The following SLC35A3 variants were observed in gnomAD, a reference collection of about 807,000 sequenced individuals.
SLC35A3 encodes the protein UDP-N-acetylglucosamine transporter.
In SLC35A3, 26 loss-of-function variants were observed where a neutral mutation model predicts 39.0. The ratio of observed to expected loss-of-function variants is 0.67; its 90% CI spans 0.49 to 0.92. The LOEUF (loss-of-function observed/expected upper bound fraction) is 0.92. Among genes scored for constraint, SLC35A3 ranks in the 40% least tolerant of loss-of-function variants. The pLI, the probability that SLC35A3 is intolerant of heterozygous loss-of-function variation, is 0.00. For synonymous variants in SLC35A3, 135 were observed against 133.1 expected, an observed-to-expected ratio of 1.01 and a Z score of -0.10; for missense variants, 299 against 371.6, an observed-to-expected ratio of 0.80 and a Z score of 1.61.
chr1:100,017,002 C>T (rs2101447319), intron 6 of SLC35A3, among the ~76,000 whole-genome samples: 1 of 152,264 alleles, frequency 6.6e-6, no homozygotes, highest in East Asian at 1.9e-4. Context: ...CTAAATAAAG[C>T]TTCCATCATA....
rs967029298 is a variant in SLC35A3, at chr1:100,022,506, G to A, written c.*30G>A. ...ATACTATCTTTAACTGGTTTTTCAC[G>A]ATGGGGCACTAGGAATCTCGACATT... is the stretch of plus-strand genomic sequence containing the variant. On this transcript the variant is annotated 3_prime_UTR_variant, in exon 8 of 8. Transcript: ENST00000533028. 5.2e-6 allele frequency: 6 copies of A among 1,163,000 alleles called. No homozygotes were observed. The highest frequency in any genetic ancestry group is 1.5e-5 in the African/African-American group (1 of 65,122). 72.0% of individuals were successfully genotyped at this position (1,163,000 alleles called of 1,614,324 possible). A position where few individuals can be genotyped will look rare whatever the true frequency, so the allele number is the denominator to read the frequency against.
At position 100,007,164 on chromosome 1, in the gene SLC35A3, T is replaced by C; in HGVS notation, c.465+8T>C. The C allele has an allele frequency of 1.3e-6, 2 of 1,596,336 alleles. No individual in the cohort carries two copies. Among genetic ancestry groups the C allele is most frequent in the African/African-American group, 2.7e-5 (2 of 74,104 alleles). On this transcript the variant is annotated splice_region_variant and intron_variant, in intron 4 of 7. Transcript: ENST00000533028. Reference sequence around the variant, plus strand: ...GGAGTTGCTTTTGTACAGGTAACTATTCAAGATAAGTATATATTTTTATCT... The same window carrying C: ...GGAGTTGCTTTTGTACAGGTAACTACTCAAGATAAGTATATATTTTTATCT...
intron 2 of SLC35A3, among the ~76,000 whole-genome samples, chr1:99,998,062 G>A (rs1658529495): frequency 6.6e-6 from 1 of 152,032 alleles, no homozygotes; most frequent in Non-Finnish European, 1.5e-5. Flanking sequence ...CAGGGTGGGA[G>A]AAGTGGAAGA....
At chr1:99,979,667 C>A (rs1657333628) in intron 1 of SLC35A3, among the ~76,000 whole-genome samples, 1 of 151,362 alleles carries the variant, frequency 6.6e-6, no homozygotes, top group African/African-American at 2.4e-5. Flanking sequence ...TCTCCTCTAT[C>A]TCGTGATCTG....
At chr1:99,992,257 A>T (rs183380948) in intron 1 of SLC35A3, among the ~76,000 whole-genome samples, 17 of 152,266 alleles carry the variant, frequency 1.1e-4, no homozygotes, top group African/African-American at 3.9e-4. Context: ...TATTAGGCAC[A>T]TATGTGTTTT....
At chr1:99,981,684 C>A (rs141866658) in intron 1 of SLC35A3, among the ~76,000 whole-genome samples, 3 of 151,556 alleles carry the variant, frequency 2.0e-5, no homozygotes, top group Admixed American at 2.0e-4. Context: ...TTTTGCCATG[C>A]TGACCAGGCT....
chr1:99,973,249 C>T (rs1295036695), intron 1 of SLC35A3, among the ~76,000 whole-genome samples: 1 of 152,100 alleles, frequency 6.6e-6, no homozygotes, highest in Non-Finnish European at 1.5e-5. Context: ...ATAGACCTGT[C>T]TGGGTAACTG....
At position 99,993,862 on chromosome 1, in the gene SLC35A3, T is replaced by C. The variant is rs1658232921; in HGVS notation, c.187+121T>C. 3 of 819,058 alleles carry C rather than the reference T, an allele frequency of 3.7e-6. No homozygotes were observed. In the African/African-American group the frequency reaches 5.3e-5, roughly 14 times the overall value. The allele number at this position is 819,058 out of a possible 1,614,324, so 50.7% of individuals were successfully genotyped here. A position where few individuals can be genotyped will look rare whatever the true frequency, so the allele number is the denominator to read the frequency against. The stretch of plus-strand genomic sequence containing the variant: ...TGGCCTAGTATGAAGAATATTTCAA[T>C]ATTTTAAAAATTTTCTTAAGACATT... On this transcript the variant is annotated intron_variant, in intron 2 of 7. Transcript: ENST00000533028.
intron 1 of SLC35A3, among the ~76,000 whole-genome samples, chr1:99,970,950 A>G (rs928659094): frequency 6.6e-6 from 1 of 152,108 alleles, no homozygotes; most frequent in African/African-American, 2.4e-5. Flanking sequence ...TGTTGATTCT[A>G]TCTCTTCAGC....
At position 100,030,905 on chromosome 1, in the gene SLC35A3, T is replaced by C. The variant is rs947012963; in HGVS notation, c.*8429T>C. The C allele has an allele frequency of 2.6e-5, 4 of 152,170 alleles. No individual in the cohort carries two copies. The highest frequency in any genetic ancestry group is 9.7e-5 in the African/African-American group (4 of 41,444). The allele number at this position is 152,170 out of a possible 1,614,324, so 9.4% of individuals were successfully genotyped here. A position where few individuals can be genotyped will look rare whatever the true frequency, so the allele number is the denominator to read the frequency against. ...TAATATTTCCTGAGTGATGATAGAA[T>C]TATAGAAAATCATGAAAGATGTGTG... On this transcript the variant is annotated 3_prime_UTR_variant, in exon 8 of 8. Transcript: ENST00000533028.
intron 1 of SLC35A3, among the ~76,000 whole-genome samples, chr1:99,971,455 C>T (rs560503986): frequency 1.3e-5 from 2 of 152,054 alleles, no homozygotes; most frequent in African/African-American, 4.8e-5. Flanking sequence ...TACAGGCGCC[C>T]GCCGCCACGC....
rs1358131106 is a variant in SLC35A3 at position 100,023,885 on chromosome 1, T to C, written c.*1409T>C. Reference sequence around the variant, plus strand: ...AGCTGGGTGTGGTGGCACGCACCTGTAGTCCCAGCTACTCGGGAGACTGAG... The same window carrying C: ...AGCTGGGTGTGGTGGCACGCACCTGCAGTCCCAGCTACTCGGGAGACTGAG... On this transcript the variant is annotated 3_prime_UTR_variant, in exon 8 of 8. Transcript: ENST00000533028. The C allele has an allele frequency of 6.6e-6, 1 of 152,500 alleles. No homozygotes were observed. Among genetic ancestry groups the C allele is most frequent in the Non-Finnish European group, 1.5e-5 (1 of 68,352 alleles). 9.4% of individuals were successfully genotyped at this position (152,500 alleles called of 1,614,324 possible). A position where few individuals can be genotyped will look rare whatever the true frequency, so the allele number is the denominator to read the frequency against.
rs1206542116 is a variant in SLC35A3, at chr1:100,035,483, TTAC to T, written c.*13011_*13013del. 2 of 152,224 alleles carry T rather than the reference TTAC, an allele frequency of 1.3e-5. No individual in the cohort carries two copies. Among genetic ancestry groups the T allele is most frequent in the Non-Finnish European group, 2.9e-5 (2 of 68,042 alleles). The allele number at this position is 152,224 out of a possible 1,614,324, so 9.4% of individuals were successfully genotyped here. On this transcript the variant is annotated 3_prime_UTR_variant, in exon 8 of 8. Coordinates refer to ENST00000533028, the MANE Select transcript of SLC35A3 (RefSeq NM_012243.3). ...ACATTTAGTATGTGTTAAATTTCTC[TTAC>T]TACATTATTTCCAACAGTATTTACT...
rs1037213968 is a variant in SLC35A3, at chr1:100,028,876, C to T, written c.*6400C>T. ...ATTATACTCACAGTCATATTTATTA[C>T]AGAGAAAGGAAATACAAATTAAAAC... On this transcript the variant is annotated 3_prime_UTR_variant, in exon 8 of 8. Transcript: ENST00000533028. 1 of 152,178 alleles carries T rather than the reference C, an allele frequency of 6.6e-6. No individual in the cohort carries two copies. The highest frequency in any genetic ancestry group is 1.5e-5 in the Non-Finnish European group (1 of 68,060). The allele number at this position is 152,178 out of a possible 1,614,324, so 9.4% of individuals were successfully genotyped here.
chr1:99,975,756 G>C (rs1657071762), intron 1 of SLC35A3, among the ~76,000 whole-genome samples: 1 of 152,090 alleles, frequency 6.6e-6, no homozygotes, highest in South Asian at 2.1e-4. Flanking sequence ...TTTGTAAGAA[G>C]TCAATTAAAC....
chr1:100,029,975 C>T lies in SLC35A3; in HGVS notation c.*7499C>T, dbSNP rs1239285507. 1 of 151,874 alleles carries T rather than the reference C, an allele frequency of 6.6e-6. No homozygotes were observed. Among genetic ancestry groups the T allele is most frequent in the African/African-American group, 2.4e-5 (1 of 41,338 alleles). The allele number at this position is 151,874 out of a possible 1,614,324, so 9.4% of individuals were successfully genotyped here. A position where few individuals can be genotyped will look rare whatever the true frequency, so the allele number is the denominator to read the frequency against. Reference sequence around the variant, plus strand: ...CAAATTTAAAACATGGTTTATAAACCTTTTACCTGTACTGCATATTAATAA... The same window carrying T: ...CAAATTTAAAACATGGTTTATAAACTTTTTACCTGTACTGCATATTAATAA... On this transcript the variant is annotated 3_prime_UTR_variant, in exon 8 of 8. Transcript: ENST00000533028.
intron 7 of SLC35A3, 168 bp downstream of exon 7, chr1:100,017,983 C>T: frequency 2.5e-6 from 1 of 405,820 alleles, no homozygotes; most frequent in African/African-American, 2.1e-5. Context: ...AGAAAGTCTT[C>T]TCCTGAAAAG....
At chr1:99,992,053 A>T (rs1294713231) in intron 1 of SLC35A3, among the ~76,000 whole-genome samples, 2 of 152,146 alleles carry the variant, frequency 1.3e-5, no homozygotes, top group Non-Finnish European at 2.9e-5. Flanking sequence ...AGCCAGGTAG[A>T]TCATTTTTTT....
chr1:99,978,125 T>C (rs1399126070), intron 1 of SLC35A3, among the ~76,000 whole-genome samples: 1 of 152,234 alleles, frequency 6.6e-6, no homozygotes, highest in Non-Finnish European at 1.5e-5. Context: ...ATGTTATTAA[T>C]ATTTCAAGTT....
Sources: allele counts gnomAD v4.1 joint callset (sites outside exome capture counted in the v4.1 genomes callset), GRCh38; gene constraint gnomAD v4.1.1; transcripts MANE v1.5; gene names NCBI Gene and HGNC (gene_info 2026-07-23, HGNC 2026-07-21).